Variants in PPM1E observed in about 807,000 individuals in gnomAD.
PPM1E encodes protein phosphatase 1E.
A neutral mutation model predicts 65.9 loss-of-function variants in PPM1E; 20 were observed. The observed-to-expected ratio is 0.30, with a 90% CI of 0.21 to 0.44. The LOEUF is 0.44. Ranked by LOEUF, PPM1E falls within the 20% of genes least tolerant of loss-of-function variation. PPM1E has a pLI of 1.00. For missense variants in PPM1E, 713 were observed against 953.1 expected, an observed-to-expected ratio of 0.75 and a Z score of 3.32; for synonymous variants, 352 against 374.9, an observed-to-expected ratio of 0.94 and a Z score of 0.70.
At chr17:58,808,007 A>G (rs934921165) in intron 1 of PPM1E, among the ~76,000 whole-genome samples, 1 of 152,194 alleles carries the variant, frequency 6.6e-6, no homozygotes, top group African/African-American at 2.4e-5. Flanking sequence ...CTGAAGTTGC[A>G]AATGCCCTTT....
chr17:58,937,498 G>A (rs1318886426), intron 1 of PPM1E, among the ~76,000 whole-genome samples: 1 of 149,256 alleles, frequency 6.7e-6, no homozygotes, highest in East Asian at 2.1e-4. Flanking sequence ...TCCTGACCTC[G>A]TGATCCACCC....
chr17:58,890,332 A>G (rs2051329986), intron 1 of PPM1E, among the ~76,000 whole-genome samples: 1 of 152,204 alleles, frequency 6.6e-6, no homozygotes, highest in Non-Finnish European at 1.5e-5. Flanking sequence ...AGCATTATGC[A>G]TGGGGAACGT....
intron 1 of PPM1E, among the ~76,000 whole-genome samples, chr17:58,806,001 A>C (rs1006510819): frequency 8.6e-5 from 12 of 139,866 alleles, no homozygotes; most frequent in Admixed American, 5.7e-4. Flanking sequence ...AAAACAAAAC[A>C]AAAAAAAAAC....
chr17:58,925,332 T>C (rs1189981722), intron 1 of PPM1E, among the ~76,000 whole-genome samples: 1 of 152,158 alleles, frequency 6.6e-6, no homozygotes, highest in Non-Finnish European at 1.5e-5. Context: ...TCATTAGTGA[T>C]ATTGAGCCCT....
At chr17:58,854,624 T>C (rs778946001) in intron 1 of PPM1E, among the ~76,000 whole-genome samples, 2 of 152,202 alleles carry the variant, frequency 1.3e-5, no homozygotes, top group Non-Finnish European at 2.9e-5. Context: ...CATTAAAGTT[T>C]TTTTGAATTT....
chr17:58,828,761 G>T (rs2050568496), intron 1 of PPM1E, among the ~76,000 whole-genome samples: 1 of 152,140 alleles, frequency 6.6e-6, no homozygotes, highest in African/African-American at 2.4e-5. Context: ...ACTGTGCCTG[G>T]CCTATTTTTA....
intron 1 of PPM1E, among the ~76,000 whole-genome samples, chr17:58,763,929 A>C (rs375022874): frequency 6.6e-6 from 1 of 152,132 alleles, no homozygotes. Flanking sequence ...ATGGATGCCT[A>C]AAAGTCTAAA....
At chr17:58,897,187 G>A (rs946260896) in intron 1 of PPM1E, among the ~76,000 whole-genome samples, 2 of 152,152 alleles carry the variant, frequency 1.3e-5, no homozygotes, top group African/African-American at 4.8e-5. Flanking sequence ...GGCTGAGGCT[G>A]GTGGATCACG....
intron 2 of PPM1E, among the ~76,000 whole-genome samples, chr17:58,959,250 A>G (rs1306445229): frequency 1.4e-5 from 2 of 140,000 alleles, no homozygotes; most frequent in African/African-American, 5.2e-5. Context: ...CGGAGGTTGC[A>G]GTGAGCCGAG....
chr17:58,819,449 C>G (rs151006439), intron 1 of PPM1E, among the ~76,000 whole-genome samples: 4 of 152,044 alleles, frequency 2.6e-5, no homozygotes, highest in African/African-American at 9.7e-5. Flanking sequence ...GTGGCCGGCC[C>G]GCCATAGCCA....
Position 58,972,222 on chromosome 17 carries a change from G to A in PPM1E, c.1063G>A (p.Val355Met). The A allele has an allele frequency of 6.2e-7, 1 of 1,614,162 alleles. No homozygotes were observed. Among genetic ancestry groups the A allele is most frequent in the Non-Finnish European group, 8.5e-7 (1 of 1,180,004 alleles). Residue 355 changes from valine to methionine, a missense_variant, in exon 5 of 7, where the codon GTG becomes ATG. Transcript: ENST00000308249. ...GGTGGGTGATTCCCAGGTTATGCTT[G>A]TGAGAAAGGGCCAAGCTGTTGAACT... is the stretch of plus-strand genomic sequence containing the variant. ...AWVGDSQVML[V>M]RKGQAVELMK...
chr17:58,905,024 C>A (rs1187488206), intron 1 of PPM1E, among the ~76,000 whole-genome samples: 1 of 150,646 alleles, frequency 6.6e-6, no homozygotes, highest in Non-Finnish European at 1.5e-5. Context: ...AACTCCATCT[C>A]AAAAAACAAA....
chr17:58,772,397 A>C (rs905576481), intron 1 of PPM1E, among the ~76,000 whole-genome samples: 3 of 152,048 alleles, frequency 2.0e-5, no homozygotes, highest in African/African-American at 7.2e-5. Flanking sequence ...CAGAGGTTGC[A>C]GTGAGCCAAG....
At chr17:58,867,925 A>G (rs909498563) in intron 1 of PPM1E, among the ~76,000 whole-genome samples, 5 of 152,186 alleles carry the variant, frequency 3.3e-5, no homozygotes, top group Non-Finnish European at 7.3e-5. Context: ...ATATGCTGTT[A>G]TAGGAGTATT....
intron 2 of PPM1E, among the ~76,000 whole-genome samples, chr17:58,962,299 AG>A (rs2030057888): frequency 1.3e-5 from 2 of 152,082 alleles, no homozygotes; most frequent in South Asian, 4.1e-4. Context: ...AAAAAAAAAA[AG>A]AAAAATGTAA....
chr17:58,899,618 G>A (rs537060319), intron 1 of PPM1E: 16 of 219,868 alleles, frequency 7.3e-5, no homozygotes, highest in African/African-American at 3.0e-4. Context: ...TTGCAGTTGT[G>A]TGGTAGGTAA....
At chr17:58,909,570 G>T (rs1567872167) in intron 1 of PPM1E, among the ~76,000 whole-genome samples, 1 of 152,084 alleles carries the variant, frequency 6.6e-6, no homozygotes, top group South Asian at 2.1e-4. Flanking sequence ...AAGGAATATT[G>T]CAGGGTACAG....
At chr17:58,810,088 C>T (rs1170356747) in intron 1 of PPM1E, among the ~76,000 whole-genome samples, 1 of 152,176 alleles carries the variant, frequency 6.6e-6, no homozygotes, top group African/African-American at 2.4e-5. Context: ...TGCAACATTT[C>T]TCAATTCAAA....
chr17:58,884,522 A>T lies in PPM1E; in HGVS notation c.465-71127A>T, dbSNP rs374765668. 3.6e-4 allele frequency among the ~76,000 whole-genome samples: 54 copies of T among 151,870 alleles called. 1 individual carries two copies. The East Asian group carries it at 0.01, about 28-fold the overall frequency. ...GATTATGTATTTTAAAATTTGCCTT[A>T]ATTTTTGTCTTAGTAGGGTTTCTGA... On this transcript the variant is annotated intron_variant, in intron 1 of 6. Coordinates refer to ENST00000308249, the MANE Select transcript of PPM1E (RefSeq NM_014906.5).
Sources: allele counts gnomAD v4.1 joint callset (sites outside exome capture counted in the v4.1 genomes callset), GRCh38; gene constraint gnomAD v4.1.1; transcripts MANE v1.5; gene names NCBI Gene and HGNC (gene_info 2026-07-23, HGNC 2026-07-21).